Variants in ACACA observed in about 807,000 individuals in gnomAD.
ACACA encodes acetyl-CoA carboxylase 1.
A neutral mutation model predicts 296.1 loss-of-function variants in ACACA; 103 were observed. The observed-to-expected ratio is 0.35, with a 90% confidence interval of 0.30 to 0.41. The LOEUF is 0.41. Ranked by LOEUF, ACACA falls within the 10% of genes least tolerant of loss-of-function variation. ACACA has a pLI of 1.00. For synonymous variants in ACACA, 953 were observed against 1,038.6 expected (o/e 0.92, Z 1.58); for missense variants, 1,554 against 2,989.7 (o/e 0.52, Z 11.20).
At chr17:37,307,385 T>G (rs2083931073) in intron 3 of ACACA, among the ~76,000 whole-genome samples, 1 of 152,222 alleles carries the variant, frequency 6.6e-6, no homozygotes, top group Non-Finnish European at 1.5e-5. Context: ...TGCTAACACT[T>G]GATATTGCTC....
chr17:37,294,786 GTCTGGAGGA>G (rs2146781225), intron 3 of ACACA, among the ~76,000 whole-genome samples: 1 of 152,220 alleles, frequency 6.6e-6, no homozygotes, highest in East Asian at 1.9e-4. Flanking sequence ...AGAAGTTGAG[GTCTGGAGGA>G]TCCCTGGGCC....
At chr17:37,368,753 G>C (rs2049697749) in intron 1 of ACACA, 1 of 152,128 alleles carries the variant, frequency 6.6e-6, no homozygotes, top group South Asian at 2.1e-4. Context: ...CAAAGGGCTG[G>C]CACGTGTGAG....
At chr17:37,382,366 T>G (rs572305335) in intron 1 of ACACA, among the ~76,000 whole-genome samples, 1 of 152,108 alleles carries the variant, frequency 6.6e-6, no homozygotes, top group East Asian at 1.9e-4. Flanking sequence ...AGTTTTTTTT[T>G]TTCTTTAGTG....
At chr17:37,344,796 A>G (rs2048542254) in intron 1 of ACACA, among the ~76,000 whole-genome samples, 1 of 152,160 alleles carries the variant, frequency 6.6e-6, no homozygotes, top group African/African-American at 2.4e-5. Flanking sequence ...AGTGGAGGTG[A>G]AAGAGAGCTA....
chr17:37,163,850 A>G (rs1241420162), intron 41 of ACACA, among the ~76,000 whole-genome samples: 1 of 152,196 alleles, frequency 6.6e-6, no homozygotes. Flanking sequence ...CAGAGGTGAC[A>G]TGTCTCTTCC....
At chr17:37,191,059 A>G in intron 38 of ACACA, 61 bp downstream of exon 38, 1 of 1,584,260 alleles carries the variant, frequency 6.3e-7, no homozygotes, top group Non-Finnish European at 8.7e-7. Flanking sequence ...TGAGATAAAT[A>G]TGAATGAACT....
rs778700072 is a variant in ACACA at position 37,267,748 on chromosome 17, ACTT to A, written c.1119+3000_1119+3002del. ...GCTATAATTTTAAACTCCTATATTGACTTCTTCTTCTTCTTCTTTTTTTTTTTT... is the reference window on the plus strand; with the variant it reads ...GCTATAATTTTAAACTCCTATATTGACTTCTTCTTCTTCTTTTTTTTTTTT... On this transcript the variant is annotated intron_variant, in intron 10 of 55. Coordinates refer to ENST00000616317, the MANE Select transcript of ACACA (RefSeq NM_198834.3). Among the ~76,000 whole-genome samples the A allele has an allele frequency of 5.4e-3, 763 of 141,800 alleles. 6 individuals carry two copies. Among genetic ancestry groups the A allele is most frequent in the Non-Finnish European group, 4.7e-3 (313 of 66,582 alleles). The allele number at this position is 141,800 out of a possible 152,430, so 93.0% of individuals were successfully genotyped here. A position where few individuals can be genotyped will look rare whatever the true frequency, so the allele number is the denominator to read the frequency against.
At chr17:37,210,386 G>A in intron 30 of ACACA, 81 bp downstream of exon 30, 1 of 1,278,918 alleles carries the variant, frequency 7.8e-7, no homozygotes, top group Non-Finnish European at 1.1e-6. Context: ...GTCAAGTGTT[G>A]TGGTTTTTTT....
At chr17:37,339,757 C>G in intron 2 of ACACA, 47 bp downstream of exon 2, 2 of 1,196,400 alleles carry the variant, frequency 1.7e-6, no homozygotes, top group Non-Finnish European at 2.4e-6. Context: ...ACAACATGAA[C>G]AAAATTTTTA....
At chr17:37,371,294 G>A (rs1357142266) in intron 1 of ACACA, among the ~76,000 whole-genome samples, 1 of 151,788 alleles carries the variant, frequency 6.6e-6, no homozygotes, top group Non-Finnish European at 1.5e-5. Flanking sequence ...GGTCAGGCGT[G>A]TCTTGAACTC....
intron 1 of ACACA, among the ~76,000 whole-genome samples, chr17:37,390,960 G>A (rs981279274): frequency 7.9e-5 from 12 of 152,018 alleles, no homozygotes; most frequent in Admixed American, 7.9e-4. Flanking sequence ...TAAAAATAGG[G>A]CCAGGCGTGG....
chr17:37,151,266 G>A, intron 44 of ACACA, 35 bp downstream of exon 44: 1 of 1,613,250 alleles, frequency 6.2e-7, no homozygotes. Context: ...CACACAGCCA[G>A]TTCTTCAAAA....
chr17:37,398,345 G>A (rs961091303), intron 1 of ACACA, among the ~76,000 whole-genome samples: 1 of 131,908 alleles, frequency 7.6e-6, no homozygotes, highest in Non-Finnish European at 1.6e-5. Context: ...GGAACGCAAC[G>A]GTGCAATCTC....
At chr17:37,265,057 G>T (rs2146306575) in intron 10 of ACACA, among the ~76,000 whole-genome samples, 1 of 152,276 alleles carries the variant, frequency 6.6e-6, no homozygotes, top group South Asian at 2.1e-4. Flanking sequence ...CCTGCAGCAG[G>T]CTAGACTAGG....
At position 37,086,921 on chromosome 17, in the gene ACACA, G is replaced by C; in HGVS notation, c.*395C>G. 1 of 314,216 alleles carries C rather than the reference G, an allele frequency of 3.2e-6. No homozygotes were observed. Among genetic ancestry groups the C allele is most frequent in the Non-Finnish European group, 6.2e-6 (1 of 160,684 alleles). 19.5% of individuals were successfully genotyped at this position (314,216 alleles called of 1,614,324 possible). On this transcript the variant is annotated 3_prime_UTR_variant, in exon 56 of 56. Transcript: ENST00000616317. Reference sequence around the variant, plus strand: ...CGGCTCATGGGGCCAGGAGTGAGGGGGGCTGCTCACTGCTGGGCAACTCCT... The same window carrying C: ...CGGCTCATGGGGCCAGGAGTGAGGGCGGCTGCTCACTGCTGGGCAACTCCT...
intron 11 of ACACA, among the ~76,000 whole-genome samples, chr17:37,260,608 G>A (rs1170095370): frequency 6.6e-6 from 1 of 152,024 alleles, no homozygotes; most frequent in East Asian, 1.9e-4. Flanking sequence ...CCAGCCCTAA[G>A]TCATATTTTG....
chr17:37,282,731 A>C (rs2082597708), intron 5 of ACACA, among the ~76,000 whole-genome samples: 1 of 152,218 alleles, frequency 6.6e-6, no homozygotes, highest in Non-Finnish European at 1.5e-5. Context: ...AAGACTAGTC[A>C]TATCTTTCAG....
intron 1 of ACACA, among the ~76,000 whole-genome samples, chr17:37,390,330 A>ATATATATATCTATATC (rs1386032855): frequency 2.4e-5 from 1 of 41,592 alleles, no homozygotes; most frequent in Non-Finnish European, 3.7e-5. Context: ...ATATATATAT[A>ATATATATATCTATATC]TATAAAAGGC....
chr17:37,112,942 C>T, intron 51 of ACACA, 146 bp downstream of exon 51: 1 of 962,430 alleles, frequency 1.0e-6, no homozygotes, highest in Non-Finnish European at 1.6e-6. Flanking sequence ...AGAGTGAGGA[C>T]CTGGACTGTA....
Sources: gnomAD v4.1 joint callset for allele counts (sites outside exome capture counted in the v4.1 genomes callset) on GRCh38, gnomAD v4.1.1 for gene constraint, MANE v1.5 for transcripts, NCBI Gene and HGNC (gene_info 2026-07-23, HGNC 2026-07-21) for gene names.